The following SLIT3 variants were observed in gnomAD, a reference collection of about 807,000 sequenced individuals.
SLIT3 encodes slit guidance ligand 3, also known as slit homolog 3 protein.
A neutral mutation model predicts 184.0 loss-of-function variants in SLIT3; 68 were observed. That is an observed-to-expected ratio of 0.37 (90% CI 0.30 to 0.45). The LOEUF (loss-of-function observed/expected upper bound fraction) is 0.45. Among genes scored for constraint, SLIT3 ranks in the 20% least tolerant of loss-of-function variants. The probability of loss-of-function intolerance (pLI) is 1.00; values close to 1 mark genes in which losing one functional copy is unlikely to be tolerated. For missense variants in SLIT3, 1,707 were observed against 2,026.0 expected (o/e 0.84, Z 3.02); for synonymous variants, 831 against 828.6 (o/e 1.00, Z -0.05).
intron 16 of SLIT3, among the ~76,000 whole-genome samples, chr5:168,758,827 C>T (rs1755040896): frequency 6.6e-6 from 1 of 152,188 alleles, no homozygotes; most frequent in South Asian, 2.1e-4. Flanking sequence ...CGAGGTGGTA[C>T]AGTCCACTCT....
intron 4 of SLIT3, among the ~76,000 whole-genome samples, chr5:169,092,177 C>A (rs11954082): frequency 1.1e-3 from 170 of 152,240 alleles, no homozygotes; most frequent in African/African-American, 4.0e-3. Context: ...GAGCCGAGAT[C>A]GTGCCATTGC....
intron 4 of SLIT3, among the ~76,000 whole-genome samples, chr5:169,108,164 G>T (rs1760287944): frequency 6.6e-6 from 1 of 152,206 alleles, no homozygotes; most frequent in Non-Finnish European, 1.5e-5. Flanking sequence ...GCTACTCAAT[G>T]AACATGCAGA....
At chr5:168,757,043 G>C (rs115987049) in intron 16 of SLIT3, among the ~76,000 whole-genome samples, 1 of 152,210 alleles carries the variant, frequency 6.6e-6, no homozygotes, top group Non-Finnish European at 1.5e-5. Flanking sequence ...AGCACTGCTC[G>C]CAACTACAGG....
intron 4 of SLIT3, among the ~76,000 whole-genome samples, chr5:168,981,486 G>C (rs1432912): frequency 0.43 from 65,791 of 151,856 alleles, 14,979 homozygotes; most frequent in African/African-American, 0.57. Flanking sequence ...CATGCGCAGA[G>C]CCTCCCTTAT....
intron 5 of SLIT3, among the ~76,000 whole-genome samples, chr5:168,851,004 G>T: frequency 6.6e-6 from 1 of 152,114 alleles, no homozygotes; most frequent in East Asian, 1.9e-4. Context: ...AAAATGCAGG[G>T]GGAAGATCCC....
intron 16 of SLIT3, among the ~76,000 whole-genome samples, chr5:168,755,269 C>T (rs1215679721): frequency 1.3e-5 from 2 of 152,096 alleles, no homozygotes; most frequent in East Asian, 1.9e-4. Context: ...CATTGAACCT[C>T]TTCTTTCATA....
intron 4 of SLIT3, among the ~76,000 whole-genome samples, chr5:168,989,946 C>A (rs1755265204): frequency 6.6e-6 from 1 of 152,188 alleles, no homozygotes; most frequent in African/African-American, 2.4e-5. Context: ...ACATTATAGT[C>A]AAGAGGTTAA....
chr5:169,011,004 T>G (rs1747476286), intron 4 of SLIT3, among the ~76,000 whole-genome samples: 1 of 151,924 alleles, frequency 6.6e-6, no homozygotes, highest in Non-Finnish European at 1.5e-5. Flanking sequence ...CATAACCTAC[T>G]GAGATGAGAA....
At chr5:168,893,679 CA>C (rs1760555971) in intron 4 of SLIT3, among the ~76,000 whole-genome samples, 1 of 151,992 alleles carries the variant, frequency 6.6e-6, no homozygotes, top group African/African-American at 2.4e-5. Context: ...ATTCCCATGC[CA>C]AAAAGCTTTT....
chr5:169,157,901 G>T lies in SLIT3; in HGVS notation c.413+35578C>A, dbSNP rs140463321. On this transcript the variant is annotated intron_variant, in intron 4 of 35. Transcript: ENST00000519560. Reference sequence around the variant, plus strand: ...AAAAATTCAATGAATGGGTTCCACCGTAAAATTGAGTGTAGAACAATAAAA... The same window carrying T: ...AAAAATTCAATGAATGGGTTCCACCTTAAAATTGAGTGTAGAACAATAAAA... 4.6e-4 allele frequency among the ~76,000 whole-genome samples: 70 copies of T among 151,666 alleles called. No homozygotes were observed. The East Asian group carries it at 0.011, about 24-fold the overall frequency.
intron 4 of SLIT3, among the ~76,000 whole-genome samples, chr5:169,124,743 A>T (rs1761012207): frequency 6.6e-6 from 1 of 152,152 alleles, no homozygotes; most frequent in African/African-American, 2.4e-5. Context: ...TCCCTATTTA[A>T]ATGTTGGTTG....
chr5:168,962,801 T>TCC (rs1162247249), intron 4 of SLIT3, among the ~76,000 whole-genome samples: 1 of 152,176 alleles, frequency 6.6e-6, no homozygotes, highest in African/African-American at 2.4e-5. Flanking sequence ...CTAAGCACTT[T>TCC]CCCTCCTTGG....
At chr5:168,961,163 C>T (rs1266692984) in intron 4 of SLIT3, among the ~76,000 whole-genome samples, 2 of 152,214 alleles carry the variant, frequency 1.3e-5, no homozygotes, top group African/African-American at 2.4e-5. Context: ...TGAGAGACCA[C>T]TGCGTCTTTG....
At chr5:168,838,318 A>G (rs1379193488) in intron 6 of SLIT3, among the ~76,000 whole-genome samples, 1 of 152,130 alleles carries the variant, frequency 6.6e-6, no homozygotes, top group Non-Finnish European at 1.5e-5. Flanking sequence ...TGCAGTTCCT[A>G]GGATGTGCCT....
intron 1 of SLIT3, among the ~76,000 whole-genome samples, chr5:169,253,818 C>A (rs111964980): frequency 1.3e-5 from 2 of 152,188 alleles, no homozygotes; most frequent in Admixed American, 1.3e-4. Context: ...TCTCTTCCTA[C>A]GGGTAAAAAA....
intron 35 of SLIT3, among the ~76,000 whole-genome samples, chr5:168,667,057 TTAAA>T (rs1467370633): frequency 6.6e-6 from 1 of 152,202 alleles, no homozygotes; most frequent in Admixed American, 6.5e-5. Context: ...TAAAAATTAA[TTAAA>T]TGTCAACATT....
intron 4 of SLIT3, among the ~76,000 whole-genome samples, chr5:168,952,269 A>G (rs1762673223): frequency 6.6e-6 from 1 of 152,222 alleles, no homozygotes; most frequent in Non-Finnish European, 1.5e-5. Flanking sequence ...AAATATATGC[A>G]AAGACCAGAT....
intron 4 of SLIT3, among the ~76,000 whole-genome samples, chr5:169,041,074 T>G (rs1757433043): frequency 6.6e-6 from 1 of 152,258 alleles, no homozygotes; most frequent in Admixed American, 6.5e-5. Flanking sequence ...TTTCCATGAT[T>G]CCTAGTATCA....
At position 169,194,290 on chromosome 5, in the gene SLIT3, T is replaced by C. The variant is rs539631204; in HGVS notation, c.342-740A>G. ...AGAAAAAGAAACCTTAAATGAAATATCAGAGGAAATATTCAGGATCCTAAA... is the reference window on the plus strand; with the variant it reads ...AGAAAAAGAAACCTTAAATGAAATACCAGAGGAAATATTCAGGATCCTAAA... On this transcript the variant is annotated intron_variant, in intron 3 of 35. Coordinates refer to ENST00000519560, the MANE Select transcript of SLIT3 (RefSeq NM_003062.4). Among the ~76,000 whole-genome samples the C allele has an allele frequency of 1.7e-3, 218 of 126,140 alleles. 1 individual carries two copies. The highest frequency in any genetic ancestry group is 6.3e-3 in the African/African-American group (213 of 33,744). The allele number at this position is 126,140 out of a possible 152,430, so 82.8% of individuals were successfully genotyped here.
Sources: allele counts gnomAD v4.1 joint callset (sites outside exome capture counted in the v4.1 genomes callset), GRCh38; gene constraint gnomAD v4.1.1; transcripts MANE v1.5; gene names NCBI Gene and HGNC (gene_info 2026-07-23, HGNC 2026-07-21).